Variants in YEATS2 observed in about 807,000 individuals in gnomAD.
YEATS2 encodes the protein YEATS domain containing 2.
In YEATS2, 77 loss-of-function variants were observed where a neutral mutation model predicts 163.2. That is an observed-to-expected ratio of 0.47 (90% CI 0.39 to 0.57). YEATS2 has a LOEUF of 0.57. Among genes scored for constraint, YEATS2 ranks in the 20% least tolerant of loss-of-function variants. YEATS2 has a pLI of 0.00. For missense variants in YEATS2, 1,549 were observed against 1,729.8 expected, an observed-to-expected ratio of 0.90 and a Z score of 1.85; for synonymous variants, 631 against 645.1, an observed-to-expected ratio of 0.98 and a Z score of 0.33.
chr3:183,808,091 A>T lies in YEATS2; in HGVS notation c.4073A>T (p.Asp1358Val), dbSNP rs1449754022. ...AACGTGTATGCGTCCGTGGTGGAGGACATGATCCTGAAGGTGGGTGCCTGC... is the reference window on the plus strand; with the variant it reads ...AACGTGTATGCGTCCGTGGTGGAGGTCATGATCCTGAAGGTGGGTGCCTGC... Reference protein sequence around the residue: ...HRNVYASVVEDMILKATEQLV... With the variant: ...HRNVYASVVEVMILKATEQLV... Residue 1358 changes from aspartate (D) to valine (V), a missense_variant, in exon 29 of 31, where the codon GAC (aspartate) becomes GTC (valine). Coordinates refer to ENST00000305135, the MANE Select transcript of YEATS2 (RefSeq NM_018023.5). The T allele has an allele frequency of 6.4e-7, 1 of 1,555,184 alleles. No homozygotes were observed. Among genetic ancestry groups the T allele is most frequent in the Non-Finnish European group, 8.7e-7 (1 of 1,148,692 alleles).
Position 183,772,535 on chromosome 3 carries a change from TC to T in YEATS2, c.2180del (p.Pro727LeufsTer10). 1 of 1,614,046 alleles carries T rather than the reference TC, an allele frequency of 6.2e-7. No individual in the cohort carries two copies. Among genetic ancestry groups the T allele is most frequent in the Non-Finnish European group, 8.5e-7 (1 of 1,180,030 alleles). ...CCAAGGCCCAGGTTACTGCCGCTGG[TC>T]CTCAGAAGAGTGGATCCCAGGGTTC... ...LTKAQVTAAGPQKSGSQGSVM... is the reference protein window; with the variant it reads ...LTKAQVTAAGXQKSGSQGSVM... On this transcript the variant is annotated frameshift_variant, in exon 16 of 31. Transcript: ENST00000305135. LOFTEE classifies it high-confidence loss of function.
chr3:183,792,419 G>T (rs1014927143), intron 21 of YEATS2, among the ~76,000 whole-genome samples: 1 of 152,092 alleles, frequency 6.6e-6, no homozygotes, highest in Admixed American at 6.5e-5. Flanking sequence ...TCCTGTGTTC[G>T]TTTGCTGATG....
chr3:183,800,563 C>T lies in YEATS2; in HGVS notation c.3423C>T (p.Val1141=), dbSNP rs1560332758. The T allele has an allele frequency of 6.2e-7, 1 of 1,613,060 alleles. No homozygotes were observed. The highest frequency in any genetic ancestry group is 8.5e-7 in the Non-Finnish European group (1 of 1,179,304). The part of the protein sequence containing the change: ...TEESSELGNY[V]IKIDHLETIQ... The stretch of plus-strand genomic sequence containing the variant: ...AAAGTTCTGAGCTGGGAAACTATGT[C>T]ATTAAGTAATTCTTCCAATCTTTCC... Residue 1141 remains valine (V), a synonymous_variant, in exon 24 of 31, where the codon GTC becomes GTT. Transcript: ENST00000305135.
At chr3:183,777,743 G>C (rs778568452) in intron 19 of YEATS2, 43 bp downstream of exon 19, 1 of 1,574,190 alleles carries the variant, frequency 6.4e-7, no homozygotes, top group East Asian at 2.3e-5. Flanking sequence ...GGGTGATTAT[G>C]GCATTTATTT....
chr3:183,807,269 T>C (rs1726310959), intron 28 of YEATS2, 177 bp downstream of exon 28: 1 of 608,558 alleles, frequency 1.6e-6, no homozygotes, highest in Non-Finnish European at 2.9e-6. Context: ...CCAGGTGTGC[T>C]CTCAGGGCTC....
intron 21 of YEATS2, among the ~76,000 whole-genome samples, chr3:183,794,905 C>T (rs1019009271): frequency 2.6e-5 from 4 of 151,796 alleles, no homozygotes; most frequent in Non-Finnish European, 4.4e-5. Flanking sequence ...TGCAGTGGCT[C>T]ACGACTGTAA....
intron 7 of YEATS2, among the ~76,000 whole-genome samples, chr3:183,733,112 T>G (rs899972122): frequency 6.6e-6 from 1 of 152,258 alleles, no homozygotes; most frequent in Non-Finnish European, 1.5e-5. Flanking sequence ...ATTACAGGCG[T>G]GAGCCTTGTA....
chr3:183,726,101 T>C lies in YEATS2; in HGVS notation c.650+1570T>C, dbSNP rs56029225. Among the ~76,000 whole-genome samples, 1,264 of 152,050 alleles carry C rather than the reference T, an allele frequency of 8.3e-3. 14 individuals carry two copies. Among genetic ancestry groups the C allele is most frequent in the Non-Finnish European group, 0.013 (852 of 68,008 alleles). ...TCAGGGAATGTTTTTTCAAGCTCTT[T>C]GTTGCTTCAAAAGTGAACCAAGGTC... is the stretch of plus-strand genomic sequence containing the variant. On this transcript the variant is annotated intron_variant, in intron 6 of 30. Coordinates refer to ENST00000305135, the MANE Select transcript of YEATS2 (RefSeq NM_018023.5).
At chr3:183,738,585 G>A (rs1718616044) in intron 8 of YEATS2, among the ~76,000 whole-genome samples, 1 of 127,640 alleles carries the variant, frequency 7.8e-6, no homozygotes, top group African/African-American at 3.0e-5. Flanking sequence ...CCAGAGTGTG[G>A]TATTCCCCTT....
rs376813289 is a variant in YEATS2, at chr3:183,808,009, G to A, written c.4012-21G>A. 3.1e-5 allele frequency: 48 copies of A among 1,551,372 alleles called. No homozygotes were observed. In the South Asian group the frequency reaches 3.9e-4, roughly 13 times the overall value. ...TTCTAAAGCAGCGATACGAACAAAC[G>A]GCTTTCTTCTGCTTTTCCAGATTGG... On this transcript the variant is annotated intron_variant, in intron 28 of 30. Coordinates refer to ENST00000305135, the MANE Select transcript of YEATS2 (RefSeq NM_018023.5).
At chr3:183,809,263 C>G in intron 30 of YEATS2, 93 bp downstream of exon 30, 1 of 1,286,718 alleles carries the variant, frequency 7.8e-7, no homozygotes, top group Non-Finnish European at 1.1e-6. Context: ...TACATCAATC[C>G]AGTAGGAGAT....
At position 183,721,927 on chromosome 3, in the gene YEATS2, CCTG is replaced by C; in HGVS notation, c.331_333del (p.Ala111del). 2 of 1,614,094 alleles carry C rather than the reference CCTG, an allele frequency of 1.2e-6. No individual in the cohort carries two copies. The highest frequency in any genetic ancestry group is 1.7e-6 in the Non-Finnish European group (2 of 1,180,006). ...ATGTGATACAATGGTTTTTAATCATCCTGCTATCAAGAAATTTTTGGAATCACC... is the reference window on the plus strand; with the variant it reads ...ATGTGATACAATGGTTTTTAATCATCCTATCAAGAAATTTTTGGAATCACC... On this transcript the variant is annotated inframe_deletion, in exon 5 of 31. Transcript: ENST00000305135.
intron 12 of YEATS2, among the ~76,000 whole-genome samples, chr3:183,758,517 A>G (rs1349813441): frequency 1.3e-5 from 2 of 152,192 alleles, no homozygotes; most frequent in Admixed American, 6.5e-5. Context: ...AGAACATACA[A>G]GTAGAATACG....
intron 28 of YEATS2, chr3:183,807,788 T>G: frequency 2.4e-6 from 1 of 419,682 alleles, no homozygotes. Flanking sequence ...CGAAGGAGAT[T>G]TGAGAGATTT....
At chr3:183,749,496 G>A (rs1234749096) in intron 9 of YEATS2, among the ~76,000 whole-genome samples, 1 of 152,046 alleles carries the variant, frequency 6.6e-6, no homozygotes, top group East Asian at 1.9e-4. Flanking sequence ...GTGTGAATTT[G>A]ACTACTCTAG....
chr3:183,732,781 G>A (rs1055798743), intron 7 of YEATS2, among the ~76,000 whole-genome samples: 1 of 151,338 alleles, frequency 6.6e-6, no homozygotes, highest in African/African-American at 2.5e-5. Context: ...CGATGGTCTC[G>A]ATCTCCTGAC....
chr3:183,718,581 A>C lies in YEATS2; in HGVS notation c.280A>C (p.Lys94Gln), dbSNP rs749950545. ...CTACTATGCTTCTGCAGGTCTTCTA[A>C]AAGTTTCTGAGGTAAGCATTCCTCA... The part of the protein sequence containing the change: ...ANYYASAGLL[K>Q]VSEGSKTCDT... Residue 94 changes from lysine to glutamine, a missense_variant, in exon 4 of 31, where the codon AAA (lysine) becomes CAA (glutamine). Lys to Gln is a moderately conservative substitution (Grantham distance 53, BLOSUM62 1). Coordinates refer to ENST00000305135, the MANE Select transcript of YEATS2 (RefSeq NM_018023.5). 25 of 1,611,720 alleles carry C rather than the reference A, an allele frequency of 1.6e-5. No homozygotes were observed. Among genetic ancestry groups the C allele is most frequent in the Non-Finnish European group, 1.9e-5 (22 of 1,179,132 alleles).
chr3:183,760,652 C>T (rs769969902), intron 13 of YEATS2, among the ~76,000 whole-genome samples: 13 of 152,126 alleles, frequency 8.5e-5, no homozygotes, highest in African/African-American at 1.9e-4. Flanking sequence ...TGTTGACTTT[C>T]GTTGTCTTTG....
At position 183,803,214 on chromosome 3, in the gene YEATS2, G is replaced by C. The variant is rs369539132; in HGVS notation, c.3503-42G>C. 8 of 1,597,956 alleles carry C rather than the reference G, an allele frequency of 5.0e-6. No homozygotes were observed. The African/African-American group carries it at 9.4e-5, about 19-fold the overall frequency. On this transcript the variant is annotated intron_variant, in intron 25 of 30. Coordinates refer to ENST00000305135, the MANE Select transcript of YEATS2 (RefSeq NM_018023.5). ...CAGCAAATGACGTGTGGTTGGAATC[G>C]TAAGAGCTTTATTCAGGCTTTGCTG...
Sources: allele counts gnomAD v4.1 joint callset (sites outside exome capture counted in the v4.1 genomes callset), GRCh38; gene constraint gnomAD v4.1.1; transcripts MANE v1.5; gene names NCBI Gene and HGNC (gene_info 2026-07-23, HGNC 2026-07-21).